Variants in MPDZ observed in about 807,000 individuals in gnomAD.
MPDZ encodes the protein multiple PDZ domain protein.
MPDZ carries 234 observed loss-of-function variants against 239.1 expected under a neutral mutation model. That is an observed-to-expected ratio of 0.98 (90% CI 0.88 to 1.09). The LOEUF (loss-of-function observed/expected upper bound fraction) is 1.09, where lower values mean the gene tolerates loss of function less well. Ranked by LOEUF, MPDZ falls within the 50% of genes least tolerant of loss-of-function variation. The probability of loss-of-function intolerance (pLI) is 0.00; values close to 1 mark genes in which losing one functional copy is unlikely to be tolerated. For synonymous variants in MPDZ, 1,048 were observed against 881.3 expected (o/e 1.19, Z -3.35); for missense variants, 3,175 against 2,510.0 (o/e 1.26, Z -5.66).
At position 13,193,235 on chromosome 9, in the gene MPDZ, G is replaced by A. The variant is rs571799365; in HGVS notation, c.1735C>T (p.Arg579Ter). 1.4e-5 allele frequency: 22 copies of A among 1,612,130 alleles called. No homozygotes were observed. The highest frequency in any genetic ancestry group is 5.0e-5 in the Admixed American group (3 of 59,956). Reference sequence around the variant, plus strand: ...ACAGGACCCTCTGGTAGAACAGATCGGATAAAATGATGTCCCACTGTCGCT... The same window carrying A: ...ACAGGACCCTCTGGTAGAACAGATCAGATAAAATGATGTCCCACTGTCGCT... ...LEATVGHHFI[R>*]SVLPEGPVGH... The change falls in exon 14 of 47, where the codon CGA (arginine) becomes TGA (stop). Residue 579 changes from arginine (R) to a stop codon, truncating the protein, a stop_gained. Transcript: ENST00000319217. LOFTEE classifies it high-confidence loss of function.
chr9:13,141,512 T>A (rs1204531056), intron 27 of MPDZ, among the ~76,000 whole-genome samples: 2 of 152,172 alleles, frequency 1.3e-5, no homozygotes, highest in Non-Finnish European at 2.9e-5. Context: ...AGTTTTCCTA[T>A]ATATCTTTAT....
At chr9:13,258,831 T>C (rs1002295668) in intron 1 of MPDZ, among the ~76,000 whole-genome samples, 7 of 152,310 alleles carry the variant, frequency 4.6e-5, no homozygotes, top group Non-Finnish European at 7.4e-5. Context: ...ATTAATTCAA[T>C]TTTGCCCACC....
intron 35 of MPDZ, among the ~76,000 whole-genome samples, chr9:13,124,621 T>A (rs1286328261): frequency 6.6e-6 from 1 of 152,162 alleles, no homozygotes; most frequent in Non-Finnish European, 1.5e-5. Flanking sequence ...CATTAAAGTG[T>A]CACCCTATGG....
chr9:13,114,068 C>T, intron 40 of MPDZ, 47 bp from the exon 41 acceptor site: 2 of 1,362,252 alleles, frequency 1.5e-6, no homozygotes. Flanking sequence ...AAGTAACATA[C>T]TCCCTAAATA....
intron 3 of MPDZ, among the ~76,000 whole-genome samples, chr9:13,245,719 T>C (rs1156276774): frequency 1.3e-5 from 2 of 152,176 alleles, no homozygotes; most frequent in African/African-American, 4.8e-5. Context: ...ATGCTGTAGT[T>C]GGTCTCGGTC....
At chr9:13,136,911 T>A (rs576370018) in intron 29 of MPDZ, 108 bp from the exon 30 acceptor site, 91 of 567,176 alleles carry the variant, frequency 1.6e-4, no homozygotes, top group Non-Finnish European at 2.3e-4. Context: ...TAAAATATAT[T>A]TTATATTAAA....
intron 32 of MPDZ, among the ~76,000 whole-genome samples, chr9:13,130,970 T>G (rs562899748): frequency 6.6e-6 from 1 of 152,268 alleles, no homozygotes; most frequent in African/African-American, 2.4e-5. Context: ...TATTTGGAGT[T>G]ATGGGAACAG....
chr9:13,252,115 C>T (rs910448342), intron 1 of MPDZ, among the ~76,000 whole-genome samples: 2 of 151,918 alleles, frequency 1.3e-5, no homozygotes, highest in Non-Finnish European at 1.5e-5. Flanking sequence ...ATTCCAATGC[C>T]GAGCATTGCA....
chr9:13,125,884 T>A (rs1945034845), intron 34 of MPDZ, among the ~76,000 whole-genome samples: 1 of 152,190 alleles, frequency 6.6e-6, no homozygotes, highest in Admixed American at 6.5e-5. Flanking sequence ...GGATCTGGCC[T>A]AAATACTTAC....
chr9:13,202,981 C>G (rs934339081), intron 12 of MPDZ, among the ~76,000 whole-genome samples: 14 of 152,070 alleles, frequency 9.2e-5, no homozygotes, highest in Non-Finnish European at 4.4e-5. Context: ...CTTCAATTTA[C>G]TGCATATTTT....
intron 3 of MPDZ, among the ~76,000 whole-genome samples, chr9:13,234,776 AG>A (rs1564095908): frequency 1.3e-5 from 2 of 151,708 alleles, no homozygotes; most frequent in African/African-American, 4.8e-5. Flanking sequence ...GCCATTCTTC[AG>A]GGAATTTGCT....
intron 1 of MPDZ, among the ~76,000 whole-genome samples, chr9:13,273,788 C>T (rs1973553395): frequency 6.6e-6 from 1 of 152,124 alleles, no homozygotes; most frequent in South Asian, 2.1e-4. Flanking sequence ...TGACTATTAA[C>T]ACTTAATTTT....
chr9:13,181,593 T>C (rs531069762), intron 19 of MPDZ, among the ~76,000 whole-genome samples: 5 of 152,300 alleles, frequency 3.3e-5, no homozygotes, highest in South Asian at 2.1e-4. Flanking sequence ...AGTATTTCAG[T>C]TGATAAACGA....
At chr9:13,212,179 GTGTT>G (rs1021572728) in intron 10 of MPDZ, among the ~76,000 whole-genome samples, 24 of 151,958 alleles carry the variant, frequency 1.6e-4, no homozygotes, top group Non-Finnish European at 2.5e-4. Context: ...TTTAAAAACT[GTGTT>G]TTTTTCCTTT....
intron 19 of MPDZ, among the ~76,000 whole-genome samples, chr9:13,180,712 G>A (rs1053343906): frequency 1.3e-5 from 2 of 152,040 alleles, no homozygotes; most frequent in Admixed American, 6.6e-5. Flanking sequence ...GGAAAAACAC[G>A]GCTAGAGCCA....
At chr9:13,132,694 T>C (rs1946180192) in intron 32 of MPDZ, among the ~76,000 whole-genome samples, 1 of 152,170 alleles carries the variant, frequency 6.6e-6, no homozygotes, top group South Asian at 2.1e-4. Context: ...ATTTTCACAA[T>C]ATATACTTAA....
chr9:13,203,702 G>T (rs1378274777), intron 12 of MPDZ, among the ~76,000 whole-genome samples: 2 of 148,254 alleles, frequency 1.3e-5, no homozygotes, highest in African/African-American at 5.0e-5. Context: ...CTGATTCTAG[G>T]TCTATAGTCA....
intron 1 of MPDZ, 131 bp downstream of exon 1, chr9:13,279,269 A>ACCCCCC (rs1181044578): frequency 6.7e-5 from 2 of 29,644 alleles, no homozygotes; most frequent in South Asian, 1.3e-3. Context: ...CCCCACCCCC[A>ACCCCCC]CCCCCATCCC....
At chr9:13,134,004 A>G in intron 31 of MPDZ, 100 bp from the exon 32 acceptor site, 1 of 415,702 alleles carries the variant, frequency 2.4e-6, no homozygotes, top group Non-Finnish European at 4.2e-6. Context: ...TTTATACATT[A>G]TATAAAATTA....
Sources: allele counts gnomAD v4.1 joint callset (sites outside exome capture counted in the v4.1 genomes callset), GRCh38; gene constraint gnomAD v4.1.1; transcripts MANE v1.5; gene names NCBI Gene and HGNC (gene_info 2026-07-23, HGNC 2026-07-21).